The following ITPR2 variants were observed in gnomAD, a reference collection of about 807,000 sequenced individuals.
The protein encoded by ITPR2 is inositol 1,4,5-trisphosphate-gated calcium channel ITPR2.
A neutral mutation model predicts 317.1 loss-of-function variants in ITPR2; 207 were observed. The observed-to-expected ratio is 0.65, with a 90% confidence interval of 0.58 to 0.73. The LOEUF (loss-of-function observed/expected upper bound fraction) is 0.73, where lower values mean the gene tolerates loss of function less well. Ranked by LOEUF, ITPR2 falls within the 30% of genes least tolerant of loss-of-function variation. The pLI is 0.00. For synonymous variants in ITPR2, 1,156 were observed against 1,149.1 expected (o/e 1.01, Z -0.12); for missense variants, 2,613 against 3,284.0 (o/e 0.80, Z 4.99).
intron 39 of ITPR2, among the ~76,000 whole-genome samples, chr12:26,491,310 C>T (rs377166439): frequency 8.3e-4 from 126 of 151,524 alleles, no homozygotes; most frequent in South Asian, 8.2e-3. Context: ...AGTGAAACCC[C>T]GTCTCTACTA....
intron 3 of ITPR2, among the ~76,000 whole-genome samples, chr12:26,725,132 C>T (rs1432433417): frequency 6.6e-6 from 1 of 152,096 alleles, no homozygotes; most frequent in African/African-American, 2.4e-5. Flanking sequence ...TTTAAAATTA[C>T]TTTAAGAAGG....
rs566057625 is a variant in ITPR2, at chr12:26,582,739, T to C, written c.4381-2584A>G. Reference sequence around the variant, plus strand: ...TGAGGGTATGTAGACAGTTTTATACTGCTTGCTGGGCTGATCCTCTAAAAT... The same window carrying C: ...TGAGGGTATGTAGACAGTTTTATACCGCTTGCTGGGCTGATCCTCTAAAAT... On this transcript the variant is annotated intron_variant, in intron 32 of 56. Transcript: ENST00000381340. Among the ~76,000 whole-genome samples, 11 of 152,322 alleles carry C rather than the reference T, an allele frequency of 7.2e-5. No homozygotes were observed. In the South Asian group the frequency reaches 2.3e-3, roughly 32 times the overall value.
At chr12:26,694,115 T>C (rs557565688) in intron 10 of ITPR2, among the ~76,000 whole-genome samples, 1 of 152,306 alleles carries the variant, frequency 6.6e-6, no homozygotes, top group South Asian at 2.1e-4. Flanking sequence ...TGACATCCAA[T>C]AGGTGGTCTG....
At chr12:26,414,018 T>G in intron 51 of ITPR2, among the ~76,000 whole-genome samples, 1 of 146,638 alleles carries the variant, frequency 6.8e-6, no homozygotes, top group African/African-American at 2.6e-5. Flanking sequence ...ATGTGGAGGT[T>G]TTGGGAAGCA....
At position 26,486,988 on chromosome 12, in the gene ITPR2, G is replaced by T. The variant is rs116152623; in HGVS notation, c.5554+80C>A. The T allele has an allele frequency of 5.2e-4, 703 of 1,348,996 alleles. 2 individuals are homozygous for T. The African/African-American group carries it at 8.4e-3, about 16-fold the overall frequency. The allele number at this position is 1,348,996 out of a possible 1,614,324, so 83.6% of individuals were successfully genotyped here. A position where few individuals can be genotyped will look rare whatever the true frequency, so the allele number is the denominator to read the frequency against. On this transcript the variant is annotated intron_variant, in intron 40 of 56. Coordinates refer to ENST00000381340, the MANE Select transcript of ITPR2 (RefSeq NM_002223.4). The stretch of plus-strand genomic sequence containing the variant: ...ATAATTAAACCAAGAGAAGAGAGAC[G>T]AAAAATGTTAATGAGATTTAAACGC...
chr12:26,412,496 ATACT>A (rs1434031140), intron 51 of ITPR2, among the ~76,000 whole-genome samples: 76 of 152,266 alleles, frequency 5.0e-4, no homozygotes, highest in African/African-American at 1.6e-3. Flanking sequence ...CCCTTACTTA[ATACT>A]TACTGAAGCA....
At chr12:26,556,186 A>AT in intron 36 of ITPR2, 47 bp downstream of exon 36, 4 of 1,596,122 alleles carry the variant, frequency 2.5e-6, no homozygotes, top group Non-Finnish European at 3.4e-6. Context: ...GTTAGAGGCC[A>AT]TGTCAGTTTG....
At chr12:26,679,076 A>G (rs1947974415) in intron 13 of ITPR2, among the ~76,000 whole-genome samples, 1 of 152,228 alleles carries the variant, frequency 6.6e-6, no homozygotes, top group Non-Finnish European at 1.5e-5. Context: ...TCCTATCTGC[A>G]CATCAGAATC....
intron 37 of ITPR2, among the ~76,000 whole-genome samples, chr12:26,520,068 G>A (rs529075232): frequency 1.3e-5 from 2 of 152,144 alleles, no homozygotes; most frequent in Admixed American, 6.5e-5. Flanking sequence ...AACTATTCTT[G>A]TTACATTTTG....
chr12:26,398,758 ATC>A, intron 54 of ITPR2, 116 bp downstream of exon 54: 1 of 824,656 alleles, frequency 1.2e-6, no homozygotes, highest in South Asian at 1.7e-5. Context: ...TCTGAATTTT[ATC>A]CAACCTTCAT....
At chr12:26,694,301 T>C (rs1008379831) in intron 10 of ITPR2, among the ~76,000 whole-genome samples, 1 of 152,094 alleles carries the variant, frequency 6.6e-6, no homozygotes. Context: ...AATATCCCTC[T>C]CCCCCAACTA....
rs995798451 is a variant in ITPR2, at chr12:26,425,762, C to A, written c.6945+2151G>T. ...TCTATGCTGTGAAAGCAATTACAGT[C>A]CCCACAGATTTCTACAGTTAATAAA... On this transcript the variant is annotated intron_variant, in intron 49 of 56. Coordinates refer to ENST00000381340, the MANE Select transcript of ITPR2 (RefSeq NM_002223.4). 9.2e-5 allele frequency among the ~76,000 whole-genome samples: 14 copies of A among 151,872 alleles called. No individual in the cohort carries two copies. In the South Asian group the frequency reaches 2.1e-3, roughly 23 times the overall value.
intron 34 of ITPR2, among the ~76,000 whole-genome samples, chr12:26,573,773 A>T (rs966237853): frequency 6.6e-6 from 1 of 152,152 alleles, no homozygotes; most frequent in Admixed American, 6.5e-5. Context: ...GTGTGGATGG[A>T]GCAGAGTTGG....
intron 45 of ITPR2, among the ~76,000 whole-genome samples, chr12:26,475,034 C>T (rs1377584920): frequency 6.6e-6 from 1 of 152,104 alleles, no homozygotes; most frequent in Non-Finnish European, 1.5e-5. Context: ...TTATCCATGG[C>T]TCAGGCTGAC....
chr12:26,522,670 C>G (rs1168457776), intron 37 of ITPR2, among the ~76,000 whole-genome samples: 1 of 152,200 alleles, frequency 6.6e-6, no homozygotes, highest in Non-Finnish European at 1.5e-5. Context: ...CAAGTTAAAT[C>G]TCACACGTCA....
In ITPR2 at chr12:26,530,672, C is replaced by T. The variant is rs552284606; in HGVS notation, c.5073+19575G>A. On this transcript the variant is annotated intron_variant, in intron 37 of 56. Transcript: ENST00000381340. ...AGCCTCAGCCTTCAATTCTCCCCTA[C>T]TGGGTTCTTAAATACTATGGATGTG... Among the ~76,000 whole-genome samples the T allele has an allele frequency of 2.0e-5, 3 of 152,290 alleles. No individual in the cohort carries two copies. In the South Asian group the frequency reaches 6.2e-4, roughly 32 times the overall value.
intron 46 of ITPR2, among the ~76,000 whole-genome samples, chr12:26,441,629 G>A (rs1471664806): frequency 1.3e-5 from 2 of 152,134 alleles, no homozygotes; most frequent in African/African-American, 2.4e-5. Context: ...TGATCAACGA[G>A]TTCATCAGCC....
intron 45 of ITPR2, 33 bp from the exon 46 acceptor site, chr12:26,443,683 T>C: frequency 6.4e-7 from 1 of 1,561,958 alleles, no homozygotes; most frequent in Non-Finnish European, 8.8e-7. Flanking sequence ...GTTTTAGGTC[T>C]TCTTTTCCCC....
chr12:26,399,148 A>T, intron 53 of ITPR2, 107 bp from the exon 54 acceptor site: 1 of 826,426 alleles, frequency 1.2e-6, no homozygotes, highest in Non-Finnish European at 1.7e-6. Flanking sequence ...TATAAATAGT[A>T]TCCCAAGTTG....
Sources: gnomAD v4.1 joint callset for allele counts (sites outside exome capture counted in the v4.1 genomes callset) on GRCh38, gnomAD v4.1.1 for gene constraint, MANE v1.5 for transcripts, NCBI Gene and HGNC (gene_info 2026-07-23, HGNC 2026-07-21) for gene names.